ATXN7L1: variants seen among roughly 807,000 people sequenced by gnomAD.
ATXN7L1 encodes the protein ataxin-7-like protein 1.
A neutral mutation model predicts 70.8 loss-of-function variants in ATXN7L1; 15 were observed. The ratio of observed to expected loss-of-function variants is 0.21; its 90% confidence interval spans 0.14 to 0.33. The LOEUF (loss-of-function observed/expected upper bound fraction) is 0.33. Among genes scored for constraint, ATXN7L1 ranks in the 10% least tolerant of loss-of-function variants. The pLI is 1.00. For missense variants in ATXN7L1, 975 were observed against 1,097.1 expected, an observed-to-expected ratio of 0.89 and a Z score of 1.57; for synonymous variants, 440 against 445.1, an observed-to-expected ratio of 0.99 and a Z score of 0.14.
At chr7:105,613,776 G>C in intron 10 of ATXN7L1, 86 bp downstream of exon 10, 1 of 1,546,504 alleles carries the variant, frequency 6.5e-7, no homozygotes, top group South Asian at 1.2e-5. Flanking sequence ...TGTGTTACCT[G>C]TCGGAGCCGC....
chr7:105,795,540 G>A (rs1051410095), intron 2 of ATXN7L1, among the ~76,000 whole-genome samples: 1 of 152,132 alleles, frequency 6.6e-6, no homozygotes, highest in African/African-American at 2.4e-5. Context: ...TCCAAGGCTC[G>A]AGACTTTGAC....
Position 105,613,943 on chromosome 7 carries a change from A to C in ATXN7L1, c.2391T>G (p.Gly797=), listed in dbSNP as rs1438145170. The change falls in exon 10 of 12, where the codon GGT becomes GGG. Residue 797 remains glycine (G), a synonymous_variant. Transcript: ENST00000419735. ...GGTTCTTTTTGTGAACGCTATTCAT[A>C]CCAGGCATTTTAGTGATTTTACAGG... ...SKACKITKMP[G]MNSVHKKNPP... 1.9e-6 allele frequency: 3 copies of C among 1,552,324 alleles called. No individual in the cohort carries two copies. Among genetic ancestry groups the C allele is most frequent in the South Asian group, 1.2e-5 (1 of 84,064 alleles).
At chr7:105,830,544 A>G (rs1811461689) in intron 2 of ATXN7L1, among the ~76,000 whole-genome samples, 1 of 152,278 alleles carries the variant, frequency 6.6e-6, no homozygotes, top group Non-Finnish European at 1.5e-5. Flanking sequence ...GGAAGATAAC[A>G]TCTGAGTCAT....
chr7:105,676,304 AAC>A (rs1804637804), intron 3 of ATXN7L1, among the ~76,000 whole-genome samples: 1 of 152,158 alleles, frequency 6.6e-6, no homozygotes, highest in South Asian at 2.1e-4. Context: ...CAAAACCACA[AAC>A]ACACACCGCA....
At chr7:105,714,854 G>A (rs1187484116) in intron 3 of ATXN7L1, among the ~76,000 whole-genome samples, 2 of 152,066 alleles carry the variant, frequency 1.3e-5, no homozygotes, top group African/African-American at 4.8e-5. Context: ...GTAGAGACGG[G>A]GGTTTCCACC....
At position 105,624,219 on chromosome 7, in the gene ATXN7L1, G is replaced by A. The variant is rs370653629; in HGVS notation, c.1251C>T (p.Ser417=). The A allele has an allele frequency of 9.3e-6, 14 of 1,507,204 alleles. No homozygotes were observed. The highest frequency in any genetic ancestry group is 3.8e-5 in the South Asian group (3 of 78,540). The allele number at this position is 1,507,204 out of a possible 1,614,324, so 93.4% of individuals were successfully genotyped here. Residue 417 remains serine, a synonymous_variant, in exon 8 of 12, where the codon AGC becomes AGT. Coordinates refer to ENST00000419735, the MANE Select transcript of ATXN7L1 (RefSeq NM_020725.2). ...SISSSTSSNH[S]GHTPEPPLPP... ...GGAGTGGGGGCTCTGGAGTGTGGCC[G>A]CTATGATTTGAAGATGTGCTGCTGC...
At chr7:105,775,827 T>C (rs570656034) in intron 3 of ATXN7L1, among the ~76,000 whole-genome samples, 1 of 152,342 alleles carries the variant, frequency 6.6e-6, no homozygotes, top group African/African-American at 2.4e-5. Flanking sequence ...TGAATTTGGA[T>C]GAGGGCGATG....
At chr7:105,748,430 C>T (rs575641103) in intron 3 of ATXN7L1, among the ~76,000 whole-genome samples, 9 of 152,236 alleles carry the variant, frequency 5.9e-5, no homozygotes, top group South Asian at 4.2e-4. Context: ...AGGTTAGATC[C>T]GACCATCTTA....
At chr7:105,865,767 A>G (rs1817365050) in intron 2 of ATXN7L1, among the ~76,000 whole-genome samples, 1 of 152,126 alleles carries the variant, frequency 6.6e-6, no homozygotes. Flanking sequence ...ATGTTGTACA[A>G]CCATCACCAC....
intron 4 of ATXN7L1, among the ~76,000 whole-genome samples, chr7:105,655,307 G>GTCTACCT (rs1442652669): frequency 6.6e-6 from 1 of 152,168 alleles, no homozygotes; most frequent in Non-Finnish European, 1.5e-5. Context: ...ATTCTGGTCT[G>GTCTACCT]TCTACCTTCC....
chr7:105,641,212 C>CTTTTTTTTTTTTTTTTTTTTTTTTTT (rs1330033741), intron 5 of ATXN7L1, among the ~76,000 whole-genome samples: 2 of 64,022 alleles, frequency 3.1e-5, no homozygotes, highest in African/African-American at 6.1e-5. Context: ...CTCTCTCTCT[C>CTTTTTTTTTTTTTTTTTTTTTTTTTT]TCTTTTTTTT....
At chr7:105,821,763 C>T (rs979519856) in intron 2 of ATXN7L1, among the ~76,000 whole-genome samples, 1 of 152,244 alleles carries the variant, frequency 6.6e-6, no homozygotes, top group South Asian at 2.1e-4. Context: ...TGGGATCACA[C>T]GTGGCACACC....
intron 3 of ATXN7L1, among the ~76,000 whole-genome samples, chr7:105,723,765 T>C (rs1223910497): frequency 6.6e-6 from 1 of 152,132 alleles, no homozygotes; most frequent in Non-Finnish European, 1.5e-5. Flanking sequence ...GTTTGTGGAT[T>C]CTAGCTCCAT....
In ATXN7L1 at chr7:105,823,806, A is replaced by G. The variant is rs7793664; in HGVS notation, c.251-35098T>C. 8.3e-3 allele frequency among the ~76,000 whole-genome samples: 1,268 copies of G among 152,322 alleles called. 18 individuals are homozygous for G. The highest frequency in any genetic ancestry group is 0.029 in the African/African-American group (1,207 of 41,568). On this transcript the variant is annotated intron_variant, in intron 2 of 11. Transcript: ENST00000419735. ...GGCAGAGTGGAGGAAACAGTGATCT[A>G]TGTGTCTACAGAAAGGTGTTTGGAT...
intron 2 of ATXN7L1, among the ~76,000 whole-genome samples, chr7:105,799,789 C>A (rs150224889): frequency 6.6e-6 from 1 of 152,088 alleles, no homozygotes; most frequent in African/African-American, 2.4e-5. Context: ...CCCTGGGAAT[C>A]GGTGTTCAAA....
At chr7:105,759,185 T>C (rs1463240738) in intron 3 of ATXN7L1, among the ~76,000 whole-genome samples, 1 of 146,128 alleles carries the variant, frequency 6.8e-6, no homozygotes, top group Non-Finnish European at 1.5e-5. Flanking sequence ...TTAATCCAGG[T>C]ACCCAATTTT....
At chr7:105,868,809 A>G (rs1236984190) in intron 2 of ATXN7L1, among the ~76,000 whole-genome samples, 2 of 152,200 alleles carry the variant, frequency 1.3e-5, no homozygotes, top group African/African-American at 4.8e-5. Flanking sequence ...TCTAGCAGTA[A>G]AAACATTATT....
Position 105,624,261 on chromosome 7 carries a change from T to C in ATXN7L1, c.1209A>G (p.Ser403=), listed in dbSNP as rs190512982. The part of the protein sequence containing the change: ...RPPNSVLPRP[S]SANSISSSTS... ...TGCTGCTGCTTATGCTATTTGCAGA[T>C]GATGGTCTAAGGGCAAGAGCGGAGA... Residue 403 remains serine (S), a synonymous_variant, in exon 8 of 12, where the codon TCA becomes TCG. Transcript: ENST00000419735. The C allele has an allele frequency of 1.2e-5, 17 of 1,432,320 alleles. No individual in the cohort carries two copies. In the East Asian group the frequency reaches 3.0e-4, roughly 26 times the overall value. 88.7% of individuals were successfully genotyped at this position (1,432,320 alleles called of 1,614,324 possible). A position where few individuals can be genotyped will look rare whatever the true frequency, so the allele number is the denominator to read the frequency against.
At chr7:105,740,768 C>CTTTTTTTTTTTTTTTTT (rs1563055385) in intron 3 of ATXN7L1, among the ~76,000 whole-genome samples, 1 of 98,244 alleles carries the variant, frequency 1.0e-5, no homozygotes, top group Non-Finnish European at 1.8e-5. Context: ...TGGCTCCATT[C>CTTTTTTTTTTTTTTTTT]ATTTTTTTTT....
Sources: gnomAD v4.1 joint callset for allele counts (sites outside exome capture counted in the v4.1 genomes callset) on GRCh38, gnomAD v4.1.1 for gene constraint, MANE v1.5 for transcripts, NCBI Gene and HGNC (gene_info 2026-07-23, HGNC 2026-07-21) for gene names.